The following ANKIB1 variants were observed in gnomAD, a reference collection of about 807,000 sequenced individuals.
The protein encoded by ANKIB1 is ankyrin repeat and IBR domain-containing protein 1.
Under a neutral mutation model 122.1 loss-of-function variants are expected in ANKIB1, and 43 were observed. The ratio of observed to expected loss-of-function variants is 0.35; its 90% CI spans 0.28 to 0.45. The LOEUF (loss-of-function observed/expected upper bound fraction) is 0.45. ANKIB1 is among the 20% of genes least tolerant of loss of function. ANKIB1 has a pLI of 1.00. For synonymous variants in ANKIB1, 390 were observed against 442.0 expected (o/e 0.88, Z 1.48); for missense variants, 992 against 1,329.5 (o/e 0.75, Z 3.95).
intron 1 of ANKIB1, among the ~76,000 whole-genome samples, chr7:92,291,567 C>CTTTT (rs1188174295): frequency 5.5e-4 from 64 of 116,488 alleles, no homozygotes; most frequent in East Asian, 2.1e-3. Flanking sequence ...TTTTCTTTTT[C>CTTTT]TTTTTTTTTT....
chr7:92,371,381 A>T, intron 10 of ANKIB1, 96 bp from the exon 11 acceptor site: 1 of 1,018,496 alleles, frequency 9.8e-7, no homozygotes. Context: ...TAAAATTGAG[A>T]GACAGCCTGC....
At chr7:92,373,615 A>G (rs1356751443) in intron 11 of ANKIB1, among the ~76,000 whole-genome samples, 1 of 152,194 alleles carries the variant, frequency 6.6e-6, no homozygotes, top group Non-Finnish European at 1.5e-5. Context: ...AGACTTATGT[A>G]AAAGTATCAC....
intron 7 of ANKIB1, among the ~76,000 whole-genome samples, 182 bp from the exon 8 acceptor site, chr7:92,350,768 G>A (rs1277266335): frequency 2.0e-5 from 3 of 152,028 alleles, no homozygotes. Context: ...GAGGTGAGAG[G>A]ATTGCTTCAG....
chr7:92,307,578 A>G lies in ANKIB1; in HGVS notation c.408A>G (p.Ala136=), dbSNP rs564088173. Residue 136 remains alanine (A), a synonymous_variant, in exon 3 of 20, where the codon GCA becomes GCG. Coordinates refer to ENST00000265742, the MANE Select transcript of ANKIB1 (RefSeq NM_019004.2). ...AKLDQGEYER[A]AIDAVDNKKN... ...TTGACCAGGGTGAATATGAGAGAGC[A>G]GCTATTGATGCTGTTGATAACAAAA... 10 of 1,613,788 alleles carry G rather than the reference A, an allele frequency of 6.2e-6. No individual in the cohort carries two copies. In the South Asian group the frequency reaches 1.1e-4, roughly 18 times the overall value.
At chr7:92,379,360 C>T (rs1404456588) in intron 11 of ANKIB1, among the ~76,000 whole-genome samples, 2 of 152,148 alleles carry the variant, frequency 1.3e-5, no homozygotes, top group Non-Finnish European at 2.9e-5. Context: ...CCACTGCACT[C>T]CAGCCTAGGT....
intron 5 of ANKIB1, among the ~76,000 whole-genome samples, chr7:92,334,324 T>C (rs1045354657): frequency 2.0e-5 from 3 of 152,106 alleles, no homozygotes; most frequent in African/African-American, 7.2e-5. Context: ...ACATCTGGAA[T>C]TTGAATTCAA....
In ANKIB1 at chr7:92,294,847, T is replaced by G. The variant is rs76043196; in HGVS notation, c.-90-42T>G. On this transcript the variant is annotated intron_variant, in intron 1 of 19. Coordinates refer to ENST00000265742, the MANE Select transcript of ANKIB1 (RefSeq NM_019004.2). ...ATTGTGTTATTGTTTCTTTTGTGATTATTGTTTTACAATCTAATTTGAATA... is the reference window on the plus strand; with the variant it reads ...ATTGTGTTATTGTTTCTTTTGTGATGATTGTTTTACAATCTAATTTGAATA... 37 of 654,864 alleles carry G rather than the reference T, an allele frequency of 5.7e-5. No homozygotes were observed. In the East Asian group the frequency reaches 8.6e-4, roughly 15 times the overall value. 40.6% of individuals were successfully genotyped at this position (654,864 alleles called of 1,614,324 possible). A position where few individuals can be genotyped will look rare whatever the true frequency, so the allele number is the denominator to read the frequency against.
At chr7:92,341,245 G>A (rs983349311) in intron 5 of ANKIB1, among the ~76,000 whole-genome samples, 2 of 151,798 alleles carry the variant, frequency 1.3e-5, no homozygotes, top group African/African-American at 2.4e-5. Context: ...AGGAGGCAGA[G>A]GCTGCAGTGA....
chr7:92,372,375 G>A (rs1804288033), intron 11 of ANKIB1, among the ~76,000 whole-genome samples: 1 of 152,120 alleles, frequency 6.6e-6, no homozygotes. Flanking sequence ...GCATAGGTTA[G>A]TATGCAAATA....
At chr7:92,268,236 T>TTC (rs1365210946) in intron 1 of ANKIB1, among the ~76,000 whole-genome samples, 1 of 152,210 alleles carries the variant, frequency 6.6e-6, no homozygotes, top group Non-Finnish European at 1.5e-5. Flanking sequence ...GTGAAGCCAG[T>TTC]TCTACTAAAC....
At position 92,350,969 on chromosome 7, in the gene ANKIB1, C is replaced by T. The variant is rs868014929; in HGVS notation, c.1105C>T (p.Gln369Ter). ...TAATAGGTTTTTGAATCTGAAAATTCAAGAAGGTGAAGCTCACAACATTTT... is the reference window on the plus strand; with the variant it reads ...TAATAGGTTTTTGAATCTGAAAATTTAAGAAGGTGAAGCTCACAACATTTT... ...CWESFLNLKIQEGEAHNIFCP... is the reference protein window; with the variant it reads ...CWESFLNLKI Residue 369 changes from glutamine (Q) to a stop codon, truncating the protein, a stop_gained, in exon 8 of 20, where the codon CAA becomes TAA. Coordinates refer to ENST00000265742, the MANE Select transcript of ANKIB1 (RefSeq NM_019004.2). LOFTEE classifies it high-confidence loss of function. The T allele has an allele frequency of 6.2e-7, 1 of 1,606,012 alleles. No individual in the cohort carries two copies. The highest frequency in any genetic ancestry group is 8.5e-7 in the Non-Finnish European group (1 of 1,176,582).
intron 1 of ANKIB1, among the ~76,000 whole-genome samples, chr7:92,289,172 A>G (rs1012016783): frequency 4.6e-5 from 7 of 152,254 alleles, no homozygotes; most frequent in African/African-American, 1.4e-4. Flanking sequence ...GTGGAATACT[A>G]TTCAGTAATA....
In ANKIB1 at chr7:92,319,372, A is replaced by G; in HGVS notation, c.529A>G (p.Asn177Asp). The G allele has an allele frequency of 6.2e-7, 1 of 1,606,140 alleles. No individual in the cohort carries two copies. Among genetic ancestry groups the G allele is most frequent in the Non-Finnish European group, 8.5e-7 (1 of 1,177,496 alleles). ...HGGDLFAENE[N>D]KDTPCDCAEK... ...AGGAGACTTGTTTGCTGAGAATGAA[A>G]ATAAAGATACTCCTTGTGATTGTGC... Residue 177 changes from asparagine to aspartate, a missense_variant, in exon 4 of 20, where the codon AAT (asparagine) becomes GAT (aspartate). Asn to Asp is a conservative substitution (Grantham distance 23). Coordinates refer to ENST00000265742, the MANE Select transcript of ANKIB1 (RefSeq NM_019004.2).
At chr7:92,395,684 G>A (rs556567378) in intron 17 of ANKIB1, among the ~76,000 whole-genome samples, 3 of 151,630 alleles carry the variant, frequency 2.0e-5, no homozygotes, top group East Asian at 3.9e-4. Context: ...GATTACAGGT[G>A]CCACCACCAC....
intron 9 of ANKIB1, among the ~76,000 whole-genome samples, chr7:92,360,095 A>G (rs916187026): frequency 6.6e-6 from 1 of 152,108 alleles, no homozygotes; most frequent in African/African-American, 2.4e-5. Context: ...CCATGTAACC[A>G]TTTTTAAGTA....
At chr7:92,249,719 CAA>C (rs879516712) in intron 1 of ANKIB1, among the ~76,000 whole-genome samples, 2 of 135,972 alleles carry the variant, frequency 1.5e-5, no homozygotes, top group African/African-American at 2.7e-5. Context: ...GACTCTGTCT[CAA>C]AAAAAAAAAA....
Position 92,319,456 on chromosome 7 carries a change from C to T in ANKIB1, c.613C>T (p.Arg205Trp), listed in dbSNP as rs191723687. The change falls in exon 4 of 20, where the codon CGG (arginine) becomes TGG (tryptophan). Residue 205 changes from arginine (R) to tryptophan (W), a missense_variant. Around this residue, in one of 4 missense-constraint regions of ANKIB1, gnomAD observed 521 missense variants for 777.7 expected, o/e 0.67. Coordinates refer to ENST00000265742, the MANE Select transcript of ANKIB1 (RefSeq NM_019004.2). ...LNLESQMVFSRDPEAEEIEAE... is the reference protein window; with the variant it reads ...LNLESQMVFSWDPEAEEIEAE... ...TCTGGAATCTCAAATGGTATTCTCA[C>T]GGGATCCCGAGGCTGAAGAAATAGA... 92 of 1,613,302 alleles carry T rather than the reference C, an allele frequency of 5.7e-5. No individual in the cohort carries two copies. The Admixed American group carries it at 8.3e-4, about 15-fold the overall frequency.
In ANKIB1 at chr7:92,254,943, G is replaced by A. The variant is rs559395221; in HGVS notation, c.-91+8424G>A. Among the ~76,000 whole-genome samples, 64 of 152,224 alleles carry A rather than the reference G, an allele frequency of 4.2e-4. 1 individual carries two copies. Among genetic ancestry groups the A allele is most frequent in the African/African-American group, 1.3e-3 (54 of 41,520 alleles). On this transcript the variant is annotated intron_variant, in intron 1 of 19. Coordinates refer to ENST00000265742, the MANE Select transcript of ANKIB1 (RefSeq NM_019004.2). ...CATAGCATGAGGGCAGGTCTTTCCC[G>A]TGCTGTTCTCATGATAGTGAGTAAG...
chr7:92,377,971 A>C (rs1044525925), intron 11 of ANKIB1, among the ~76,000 whole-genome samples: 3 of 152,216 alleles, frequency 2.0e-5, no homozygotes, highest in Admixed American at 6.5e-5. Context: ...AAAACTTTCA[A>C]AGTATTTTTA....
Sources: gnomAD v4.1 joint callset for allele counts (sites outside exome capture counted in the v4.1 genomes callset) on GRCh38, gnomAD v4.1.1 for gene constraint, gnomAD v4.1.1 regional missense constraint, MANE v1.5 for transcripts, NCBI Gene and HGNC (gene_info 2026-07-23, HGNC 2026-07-21) for gene names.